ZNF609: variants seen among roughly 807,000 people sequenced by gnomAD.
ZNF609 encodes zinc finger protein 609.
ZNF609 carries 11 observed loss-of-function variants against 109.5 expected under a neutral mutation model. That is an observed-to-expected ratio of 0.10 (90% CI 0.06 to 0.17). ZNF609 has a LOEUF of 0.17. Ranked by LOEUF, ZNF609 falls within the 10% of genes least tolerant of loss-of-function variation. ZNF609 has a pLI of 1.00. For synonymous variants in ZNF609, 646 were observed against 662.0 expected (o/e 0.98, Z 0.37); for missense variants, 1,559 against 1,772.4 (o/e 0.88, Z 2.16).
At chr15:64,654,320 A>G (rs1216206973) in intron 3 of ZNF609, 1 of 152,244 alleles carries the variant, frequency 6.6e-6, no homozygotes, top group Non-Finnish European at 1.5e-5. Flanking sequence ...TACAGGCACG[A>G]GCCATCATGC....
rs774720872 is a variant in ZNF609 at position 64,675,970 on chromosome 15, A to T, written c.3116A>T (p.Glu1039Val). Residue 1039 changes from glutamate (E) to valine (V), a missense_variant, in exon 5 of 10, where the codon GAG becomes GTG. Physicochemically the swap from Glu to Val is moderately radical, Grantham distance 121. Coordinates refer to ENST00000326648, the MANE Select transcript of ZNF609 (RefSeq NM_015042.2). ...GAGCGGGAGGCAGCACTCAAGGAAG[A>T]GTGGAAGCAAAAGCCGTCAATTCCA... ...LKEREAALKEEWKQKPSIPPT... is the reference protein window; with the variant it reads ...LKEREAALKEVWKQKPSIPPT... 3.1e-6 allele frequency: 5 copies of T among 1,614,182 alleles called. No individual in the cohort carries two copies. The highest frequency in any genetic ancestry group is 3.4e-6 in the Non-Finnish European group (4 of 1,180,032).
At position 64,495,880 on chromosome 15, in the gene ZNF609, G is replaced by A. The variant is rs144665472; in HGVS notation, c.-127-3413G>A. 4.6e-3 allele frequency among the ~76,000 whole-genome samples: 683 copies of A among 148,042 alleles called. 2 individuals are homozygous for A. Among genetic ancestry groups the A allele is most frequent in the Non-Finnish European group, 7.0e-3 (472 of 67,072 alleles). On this transcript the variant is annotated intron_variant, in intron 1 of 9. Coordinates refer to ENST00000326648, the MANE Select transcript of ZNF609 (RefSeq NM_015042.2). ...GTCACCCAGACTGGAGTGTAGTGGC[G>A]TGATCTTGGCTCACTGCAACTTCTT...
chr15:64,647,860 A>T (rs1046810698), intron 3 of ZNF609, among the ~76,000 whole-genome samples: 1 of 151,916 alleles, frequency 6.6e-6, no homozygotes, highest in East Asian at 1.9e-4. Context: ...TTTTTGTCCA[A>T]ACTCCCTTTT....
At chr15:64,484,373 C>T (rs949189170) in intron 1 of ZNF609, among the ~76,000 whole-genome samples, 1 of 151,996 alleles carries the variant, frequency 6.6e-6, no homozygotes, top group African/African-American at 2.4e-5. Flanking sequence ...CAATTGCAGC[C>T]CCCAGTAGAA....
rs1229836461 is a variant in ZNF609, at chr15:64,655,465, C to T, written c.974-14881C>T. Among the ~76,000 whole-genome samples the T allele has an allele frequency of 2.6e-5, 4 of 152,010 alleles. No individual in the cohort carries two copies. The East Asian group carries it at 7.7e-4, about 29-fold the overall frequency. The stretch of plus-strand genomic sequence containing the variant: ...CAAAAAATCAGAATGATATCTATAA[C>T]ATAATACTAAATAAGCAAAATAAAA... On this transcript the variant is annotated intron_variant, in intron 3 of 9. Coordinates refer to ENST00000326648, the MANE Select transcript of ZNF609 (RefSeq NM_015042.2).
In ZNF609 at chr15:64,488,036, T is replaced by TG. The variant is rs150049955; in HGVS notation, c.-127-11256dup. Among the ~76,000 whole-genome samples, 1,421 of 152,352 alleles carry TG rather than the reference T, an allele frequency of 9.3e-3. 23 individuals are homozygous for TG. The highest frequency in any genetic ancestry group is 0.033 in the African/African-American group (1,365 of 41,580). ...ATATACCTGGGGGCTCTCAGGAGTT[T>TG]GTGGACTAGTCCTTTTTTGGGAAGC... On this transcript the variant is annotated intron_variant, in intron 1 of 9. Coordinates refer to ENST00000326648, the MANE Select transcript of ZNF609 (RefSeq NM_015042.2).
At chr15:64,552,967 T>A (rs931753290) in intron 2 of ZNF609, among the ~76,000 whole-genome samples, 5 of 152,160 alleles carry the variant, frequency 3.3e-5, no homozygotes, top group African/African-American at 1.2e-4. Flanking sequence ...TTTTTAAAAT[T>A]TTTGGTTTTG....
At chr15:64,462,224 T>C (rs1892952274) in intron 1 of ZNF609, among the ~76,000 whole-genome samples, 1 of 152,174 alleles carries the variant, frequency 6.6e-6, no homozygotes, top group Non-Finnish European at 1.5e-5. Flanking sequence ...TTGGCACACA[T>C]TTTTCAGAAG....
chr15:64,460,481 G>C (rs1892919704), upstream of ZNF609, among the ~76,000 whole-genome samples: 1 of 152,116 alleles, frequency 6.6e-6, no homozygotes, highest in African/African-American at 2.4e-5. Context: ...CCAGGTTCCG[G>C]GTTTCCCCTG....
At chr15:64,628,427 C>A (rs1896008279) in intron 3 of ZNF609, among the ~76,000 whole-genome samples, 1 of 152,006 alleles carries the variant, frequency 6.6e-6, no homozygotes, top group African/African-American at 2.4e-5. Context: ...GAAGCTGAAG[C>A]AGGTGGATCA....
chr15:64,677,894 C>G (rs1025147440), intron 5 of ZNF609, among the ~76,000 whole-genome samples: 9 of 152,264 alleles, frequency 5.9e-5, no homozygotes, highest in Admixed American at 2.6e-4. Flanking sequence ...CCCCCTGCCC[C>G]ATCTTGTTCC....
intron 2 of ZNF609, chr15:64,528,852 C>G: frequency 1.2e-6 from 1 of 868,572 alleles, no homozygotes; most frequent in Non-Finnish European, 1.9e-6. Flanking sequence ...TCATTGTAGC[C>G]CAGGATGCTC....
At chr15:64,463,280 C>T (rs1156863999) in intron 1 of ZNF609, among the ~76,000 whole-genome samples, 2 of 151,892 alleles carry the variant, frequency 1.3e-5, no homozygotes, top group Non-Finnish European at 2.9e-5. Context: ...CGCCTGTGGT[C>T]CCAGCTTCTT....
chr15:64,605,356 G>GA (rs1285184233), intron 2 of ZNF609, among the ~76,000 whole-genome samples: 2 of 152,144 alleles, frequency 1.3e-5, no homozygotes, highest in Non-Finnish European at 2.9e-5. Flanking sequence ...TCCCCTGCTA[G>GA]AAGAAGGGAG....
chr15:64,647,527 A>G (rs1198136477), intron 3 of ZNF609, among the ~76,000 whole-genome samples: 1 of 152,114 alleles, frequency 6.6e-6, no homozygotes, highest in Non-Finnish European at 1.5e-5. Context: ...CTTTTATTTT[A>G]TATTTTTAAC....
intron 3 of ZNF609, among the ~76,000 whole-genome samples, chr15:64,637,173 T>A (rs899814573): frequency 3.3e-5 from 5 of 152,242 alleles, no homozygotes; most frequent in Admixed American, 6.5e-5. Flanking sequence ...AGCTTTTTTA[T>A]GTTGAGCTGT....
chr15:64,520,399 G>A (rs568061887), intron 2 of ZNF609, among the ~76,000 whole-genome samples: 2 of 152,220 alleles, frequency 1.3e-5, no homozygotes, highest in African/African-American at 4.8e-5. Flanking sequence ...CTAAAATATT[G>A]TTGTGGATGC....
At chr15:64,668,952 CAAAAAAAAAAAAAA>C (rs538954402) in intron 3 of ZNF609, among the ~76,000 whole-genome samples, 3 of 34,980 alleles carry the variant, frequency 8.6e-5, no homozygotes, top group African/African-American at 2.3e-4. Context: ...AACTCCGTCT[CAAAAAAAAAAAAAA>C]AAAAAAAAAA....
chr15:64,478,155 GGTGTGT>G (rs149241970), intron 1 of ZNF609, among the ~76,000 whole-genome samples: 7,815 of 138,238 alleles, frequency 0.057, 586 homozygotes, highest in African/African-American at 0.18. Flanking sequence ...TTAGAATAAA[GGTGTGT>G]GTGTGTGTGT....
Sources: allele counts gnomAD v4.1 joint callset (sites outside exome capture counted in the v4.1 genomes callset), GRCh38; gene constraint gnomAD v4.1.1; transcripts MANE v1.5; gene names NCBI Gene and HGNC (gene_info 2026-07-23, HGNC 2026-07-21).